Variants in MYO16 observed in about 807,000 individuals in gnomAD.
MYO16 encodes unconventional myosin-XVI.
MYO16 carries 94 observed loss-of-function variants against 205.3 expected under a neutral mutation model. The ratio of observed to expected loss-of-function variants is 0.46; its 90% CI spans 0.39 to 0.54. The LOEUF (loss-of-function observed/expected upper bound fraction) is 0.54. MYO16 is among the 20% of genes least tolerant of loss of function. The pLI, the probability that MYO16 is intolerant of heterozygous loss-of-function variation, is 0.00. For synonymous variants in MYO16, 988 were observed against 954.0 expected (o/e 1.04, Z -0.66); for missense variants, 2,315 against 2,387.5 (o/e 0.97, Z 0.63).
the MYO16 span, among the ~76,000 whole-genome samples, chr13:108,557,434 C>G: frequency 6.6e-6 from 1 of 152,076 alleles, no homozygotes; most frequent in Non-Finnish European, 1.5e-5. Context: ...GTGCACAAAC[C>G]ATGTAAACAT....
intron 2 of MYO16, among the ~76,000 whole-genome samples, chr13:108,681,876 T>C (rs1330377383): frequency 2.0e-5 from 3 of 152,244 alleles, no homozygotes; most frequent in Non-Finnish European, 2.9e-5. Context: ...ACAATCTCAT[T>C]ATTCCAATAT....
At chr13:108,918,624 G>C (rs1023834570) in intron 16 of MYO16, among the ~76,000 whole-genome samples, 4 of 152,178 alleles carry the variant, frequency 2.6e-5, no homozygotes, top group Admixed American at 2.6e-4. Context: ...TGTCCTTGAG[G>C]AGGTGACGGC....
At chr13:108,955,154 G>A (rs1043662813) in intron 16 of MYO16, among the ~76,000 whole-genome samples, 1 of 152,190 alleles carries the variant, frequency 6.6e-6, no homozygotes, top group African/African-American at 2.4e-5. Flanking sequence ...CCAGCCTTCA[G>A]GGTCATGTTT....
At chr13:108,601,442 A>G (rs1878759444) in intron 1 of MYO16, among the ~76,000 whole-genome samples, 1 of 152,194 alleles carries the variant, frequency 6.6e-6, no homozygotes, top group Non-Finnish European at 1.5e-5. Context: ...AACAAAGGGG[A>G]AAACCAAATT....
At chr13:109,000,213 C>T (rs1255692813) in intron 21 of MYO16, among the ~76,000 whole-genome samples, 10 of 152,180 alleles carry the variant, frequency 6.6e-5, no homozygotes, top group Non-Finnish European at 1.2e-4. Context: ...ATCCCAGATA[C>T]GTAAACTAGG....
chr13:109,125,228 T>A lies in MYO16; in HGVS notation c.3652T>A (p.Tyr1218Asn), dbSNP rs1406891030. The A allele has an allele frequency of 3.1e-6, 5 of 1,614,010 alleles. No homozygotes were observed. In the East Asian group the frequency reaches 6.7e-5, roughly 22 times the overall value. The change falls in exon 30 of 35, where the codon TAC becomes AAC. Residue 1218 changes from tyrosine (Y) to asparagine (N), a missense_variant. By Grantham distance (143) the Tyr-to-Asn change is moderately radical. Around this residue, in one of 3 missense-constraint regions of MYO16, gnomAD observed 1,097 missense variants for 1,092.0 expected, o/e 1.00. Coordinates refer to ENST00000457511, the MANE Select transcript of MYO16 (RefSeq NM_001198950.3). The surrounding 1 kb of genome is among the most constrained non-coding windows in gnomAD (Gnocchi z 4.0). ...CACAGAGGACATGGGGCTGAAAACC[T>A]ACGATGCCCTGGTCATTCAGAATGC... ...QNTEDMGLKT[Y>N]DALVIQNASD... is the part of the protein sequence containing the mutation.
intron 22 of MYO16, among the ~76,000 whole-genome samples, chr13:109,018,031 G>T (rs2139508254): frequency 6.6e-6 from 1 of 152,246 alleles, no homozygotes; most frequent in South Asian, 2.1e-4. Flanking sequence ...GTGATCCTTT[G>T]GAGAAGAAGG....
At chr13:108,754,742 G>A (rs989492058) in intron 4 of MYO16, among the ~76,000 whole-genome samples, 2 of 152,078 alleles carry the variant, frequency 1.3e-5, no homozygotes, top group African/African-American at 2.4e-5. Context: ...GAACTTTCTT[G>A]TCTGCCTGGT....
rs1234707288 is a variant in MYO16, at chr13:109,140,817, C to T, written c.4605C>T (p.Pro1535=). The T allele has an allele frequency of 6.3e-7, 1 of 1,592,584 alleles. No homozygotes were observed. The highest frequency in any genetic ancestry group is 1.7e-4 in the Middle Eastern group (1 of 5,948). ...CCTCCGACGAGTCGCCCCTGACACC[C>T]CTGGAGGTGAAGAAGCTGCCAGTCC... ...SPASDESPLT[P]LEVKKLPVLE... The change falls in exon 32 of 35, where the codon CCC becomes CCT. Residue 1535 remains proline (P), a synonymous_variant. Transcript: ENST00000457511. This position sits in a 1 kb window ranked among gnomAD's most constrained non-coding sequence, Gnocchi z 8.0.
chr13:108,819,018 A>G (rs577057155), intron 7 of MYO16, among the ~76,000 whole-genome samples: 1 of 152,180 alleles, frequency 6.6e-6, no homozygotes, highest in Non-Finnish European at 1.5e-5. Context: ...AGGAGTGTAA[A>G]TCTGAGCAAT....
intron 33 of MYO16, among the ~76,000 whole-genome samples, chr13:109,172,191 T>C (rs760769325): frequency 6.6e-6 from 1 of 152,188 alleles, no homozygotes; most frequent in Non-Finnish European, 1.5e-5. Context: ...ACAACATCAC[T>C]TTCTTTATGG....
chr13:109,197,010 A>G (rs1880189813), intron 34 of MYO16, among the ~76,000 whole-genome samples: 1 of 152,198 alleles, frequency 6.6e-6, no homozygotes, highest in Non-Finnish European at 1.5e-5. Context: ...TTTCCGTGCC[A>G]TCCCAAAATA....
chr13:108,642,314 A>C (rs4476024), intron 1 of MYO16, among the ~76,000 whole-genome samples: 10,363 of 152,184 alleles, frequency 0.068, 548 homozygotes, highest in African/African-American at 0.14. Context: ...CCCAGTCTGC[A>C]GTCTAGTAAC....
chr13:109,048,269 CTTT>C (rs1887115664), intron 24 of MYO16: 1 of 634,816 alleles, frequency 1.6e-6, no homozygotes, highest in Non-Finnish European at 2.9e-6. Flanking sequence ...TAAAATCATT[CTTT>C]TATGTAAATT....
At chr13:108,961,785 A>AG (rs574338897) in intron 18 of MYO16, 129 bp downstream of exon 18, 21 of 689,386 alleles carry the variant, frequency 3.0e-5, no homozygotes, top group African/African-American at 2.5e-4. Flanking sequence ...GAATTCAGTG[A>AG]GGGGGGGAAA....
chr13:108,972,351 C>CATCTATATATATATATATATAT lies in MYO16; in HGVS notation c.2369+7451_2369+7452insCTATATATATATATATATATAT, dbSNP rs1406677239. 2.9e-4 allele frequency among the ~76,000 whole-genome samples: 5 copies of CATCTATATATATATATATATAT among 17,456 alleles called. 2 individuals are homozygous for CATCTATATATATATATATATAT. The highest frequency in any genetic ancestry group is 6.4e-4 in the African/African-American group (4 of 6,274). The allele number at this position is 17,456 out of a possible 152,430, so 11.5% of individuals were successfully genotyped here. On this transcript the variant is annotated intron_variant, in intron 20 of 34. Transcript: ENST00000457511. ...CCATCTATATATATATATATATAGCCATATATATATATATATATATATATA... is the reference window on the plus strand; with the variant it reads ...CCATCTATATATATATATATATAGCCATCTATATATATATATATATATATATATATATATATATATATATATA...
intron 28 of MYO16, among the ~76,000 whole-genome samples, chr13:109,115,962 CAAA>C (rs57436369): frequency 1.7e-4 from 25 of 148,274 alleles, no homozygotes; most frequent in East Asian, 1.1e-3. Context: ...TATAGCATCT[CAAA>C]AAAACAAACA....
At chr13:108,832,144 A>ATGTT (rs71204886) in intron 9 of MYO16, among the ~76,000 whole-genome samples, 1 of 134,598 alleles carries the variant, frequency 7.4e-6, no homozygotes, top group Admixed American at 7.7e-5. Context: ...TTCCGTATGG[A>ATGTT]TTTTTTTTTT....
At chr13:108,740,168 ATTGTTGGCAAGGAGCTGTGTTCCTTTG>A (rs772792393) in intron 4 of MYO16, among the ~76,000 whole-genome samples, 109,157 of 151,466 alleles carry the variant, frequency 0.72, 40,181 homozygotes, top group Non-Finnish European at 0.8. Flanking sequence ...GCTTTGTTCC[ATTGTTGGCAAGGAGCTGTGTTCCTTTG>A]GAGGGGGAGA....
Sources: gnomAD v4.1 joint callset for allele counts (sites outside exome capture counted in the v4.1 genomes callset) on GRCh38, gnomAD v4.1.1 for gene constraint, gnomAD v4.1.1 regional missense constraint, Gnocchi (gnomAD v3.1) non-coding constraint, MANE v1.5 for transcripts, NCBI Gene and HGNC (gene_info 2026-07-23, HGNC 2026-07-21) for gene names.